REG1A: variants seen among roughly 807,000 people sequenced by gnomAD.
REG1A encodes the protein regenerating family member 1 alpha, also known as lithostathine-1-alpha.
A neutral mutation model predicts 20.7 loss-of-function variants in REG1A; 20 were observed. That is an observed-to-expected ratio of 0.97 (90% confidence interval 0.68 to 1.41). REG1A has a LOEUF of 1.41. Among genes scored for constraint, REG1A ranks in the 40% most tolerant of loss-of-function variants. REG1A has a pLI of 0.00. For synonymous variants in REG1A, 90 were observed against 71.6 expected (o/e 1.26, Z -1.30); for missense variants, 193 against 201.8 (o/e 0.96, Z 0.26).
Position 79,120,907 on chromosome 2 carries a change from T to A in REG1A, c.46T>A (p.Phe16Ile), listed in dbSNP as rs1037020557. ...SYFMLISCLMFLSQSQGQEAQ... is the reference protein window; with the variant it reads ...SYFMLISCLMILSQSQGQEAQ... ...CTTCATGCTGATCTCCTGCCTGATGTTTCTGTCTCAGAGCCAAGGTAAGAT... is the reference window on the plus strand; with the variant it reads ...CTTCATGCTGATCTCCTGCCTGATGATTCTGTCTCAGAGCCAAGGTAAGAT... The change falls in exon 2 of 6, where the codon TTT (phenylalanine) becomes ATT (isoleucine). Residue 16 changes from phenylalanine (F) to isoleucine (I), a missense_variant. By Grantham distance (21) the Phe-to-Ile change is conservative. Coordinates refer to ENST00000233735, the MANE Select transcript of REG1A (RefSeq NM_002909.5). The A allele has an allele frequency of 1.2e-6, 2 of 1,613,590 alleles. No homozygotes were observed. Among genetic ancestry groups the A allele is most frequent in the East Asian group, 2.2e-5 (1 of 44,844 alleles).
Position 79,122,937 on chromosome 2 carries a change from C to T in REG1A, c.418C>T (p.Leu140=). 6.2e-7 allele frequency: 1 copy of T among 1,613,924 alleles called. No individual in the cohort carries two copies. The highest frequency in any genetic ancestry group is 8.5e-7 in the Non-Finnish European group (1 of 1,179,830). ...TGTTAATCCTGGCTACTGTGTGAGC[C>T]TGACCTCAAGCACAGGTGAGAGGCA... ...SSVNPGYCVS[L]TSSTGFQKWK... Residue 140 remains leucine (L), a synonymous_variant, in exon 5 of 6, where the codon CTG becomes TTG. Transcript: ENST00000233735.
At position 79,123,245 on chromosome 2, in the gene REG1A, G is replaced by C; in HGVS notation, c.*30G>C. The C allele has an allele frequency of 7.0e-7, 1 of 1,435,154 alleles. No individual in the cohort carries two copies. The highest frequency in any genetic ancestry group is 9.7e-7 in the Non-Finnish European group (1 of 1,030,372). The allele number at this position is 1,435,154 out of a possible 1,614,324, so 88.9% of individuals were successfully genotyped here. On this transcript the variant is annotated 3_prime_UTR_variant, in exon 6 of 6. Coordinates refer to ENST00000233735, the MANE Select transcript of REG1A (RefSeq NM_002909.5). ...AACTGGAAAATACATGTCTAGAACTGATCCAGCAATTACAACGGAGTCAAA... is the reference window on the plus strand; with the variant it reads ...AACTGGAAAATACATGTCTAGAACTCATCCAGCAATTACAACGGAGTCAAA...
chr2:79,122,515 T>C (rs1522865), intron 4 of REG1A, among the ~76,000 whole-genome samples: 80 of 152,214 alleles, frequency 5.3e-4, no homozygotes, highest in African/African-American at 1.9e-3. Context: ...CTAAATAATA[T>C]AATATATCAA....
chr2:79,123,248 C>T lies in REG1A; in HGVS notation c.*33C>T. The T allele has an allele frequency of 7.1e-7, 1 of 1,399,838 alleles. No homozygotes were observed. 86.7% of individuals were successfully genotyped at this position (1,399,838 alleles called of 1,614,324 possible). ...TGGAAAATACATGTCTAGAACTGAT[C>T]CAGCAATTACAACGGAGTCAAAAAT... On this transcript the variant is annotated 3_prime_UTR_variant, in exon 6 of 6. Coordinates refer to ENST00000233735, the MANE Select transcript of REG1A (RefSeq NM_002909.5).
chr2:79,121,676 C>T lies in REG1A; in HGVS notation c.179C>T (p.Ala60Val). 6.2e-7 allele frequency: 1 copy of T among 1,613,472 alleles called. No homozygotes were observed. Among genetic ancestry groups the T allele is most frequent in the Non-Finnish European group, 8.5e-7 (1 of 1,179,454 alleles). ...FNEDRETWVD[A>V]DLYCQNMNSG... ...GAAGACCGTGAGACCTGGGTTGATGCAGATGTGAGTGAGGAGAGCAGTGTG... is the reference window on the plus strand; with the variant it reads ...GAAGACCGTGAGACCTGGGTTGATGTAGATGTGAGTGAGGAGAGCAGTGTG... Residue 60 changes from alanine (A) to valine (V), a missense_variant, in exon 3 of 6, where the codon GCA (alanine) becomes GTA (valine). Ala to Val is a moderately conservative substitution (Grantham distance 64). Transcript: ENST00000233735.
intron 2 of REG1A, among the ~76,000 whole-genome samples, chr2:79,121,316 G>A (rs573847228): frequency 2.6e-5 from 4 of 152,238 alleles, no homozygotes; most frequent in East Asian, 3.9e-4. Context: ...CAAGGTAGAA[G>A]AGCCTGAGCT....
In REG1A at chr2:79,122,861, C is replaced by G; in HGVS notation, c.342C>G (p.Ser114Arg). The G allele has an allele frequency of 1.2e-6, 2 of 1,613,392 alleles. No homozygotes were observed. Among genetic ancestry groups the G allele is most frequent in the Non-Finnish European group, 1.7e-6 (2 of 1,179,934 alleles). ...TCTAGAACCGCCGCTGGCACTGGAG[C>G]AGTGGGTCCCTGGTCTCCTACAAGT... ...DPKKNRRWHWSSGSLVSYKSW... is the reference protein window; with the variant it reads ...DPKKNRRWHWRSGSLVSYKSW... The change falls in exon 5 of 6, where the codon AGC (serine) becomes AGG (arginine). Residue 114 changes from serine to arginine, a missense_variant. Transcript: ENST00000233735.
chr2:79,120,834 T>C lies in REG1A; in HGVS notation c.-28T>C. The C allele has an allele frequency of 6.3e-7, 1 of 1,585,082 alleles. No homozygotes were observed. Among genetic ancestry groups the C allele is most frequent in the Non-Finnish European group, 8.6e-7 (1 of 1,159,790 alleles). ...CCTATAGAGATTGTTGATTTGCCTC[T>C]TAAGCAAGAGATTCATTGCAGCTCA... is the stretch of plus-strand genomic sequence containing the variant. On this transcript the variant is annotated 5_prime_UTR_variant, in exon 2 of 6. Coordinates refer to ENST00000233735, the MANE Select transcript of REG1A (RefSeq NM_002909.5).
At chr2:79,120,622 A>G (rs1672869099) in intron 1 of REG1A, 108 bp downstream of exon 1, 3 of 390,770 alleles carry the variant, frequency 7.7e-6, no homozygotes, top group Admixed American at 8.8e-5. Context: ...GCTGTAATGA[A>G]GCCTCAGTGG....
chr2:79,120,964 T>C, intron 2 of REG1A, 39 bp downstream of exon 2: 1 of 1,542,542 alleles, frequency 6.5e-7, no homozygotes, highest in East Asian at 2.3e-5. Flanking sequence ...TTTCTAGCCC[T>C]GAAGACTTCA....
chr2:79,120,540 C>T (rs78602489), intron 1 of REG1A, 26 bp downstream of exon 1: 6,945 of 254,204 alleles, frequency 0.027, 485 homozygotes, highest in African/African-American at 0.14. Flanking sequence ...AGGAGAAGGG[C>T]GTCTCTAACA....
chr2:79,122,525 A>G (rs1032423873), intron 4 of REG1A, among the ~76,000 whole-genome samples: 2 of 152,156 alleles, frequency 1.3e-5, no homozygotes, highest in Non-Finnish European at 2.9e-5. Context: ...TAATATATCA[A>G]CAACTAATGG....
chr2:79,122,457 G>A (rs996701072), intron 4 of REG1A, among the ~76,000 whole-genome samples: 2 of 152,142 alleles, frequency 1.3e-5, no homozygotes. Flanking sequence ...GAGACTTGTG[G>A]TAAAAATCTG....
rs892721549 is a variant in REG1A, at chr2:79,121,423, T to G, written c.65-139T>G. On this transcript the variant is annotated intron_variant, in intron 2 of 5. Transcript: ENST00000233735. ...GAAACCAAAGACAGAAGATGTAGGATGCAGGAGCAATAGTGAGCAGTCATC... is the reference window on the plus strand; with the variant it reads ...GAAACCAAAGACAGAAGATGTAGGAGGCAGGAGCAATAGTGAGCAGTCATC... 1.3e-5 allele frequency: 9 copies of G among 715,318 alleles called. No individual in the cohort carries two copies. The African/African-American group carries it at 1.4e-4, about 11-fold the overall frequency. 44.3% of individuals were successfully genotyped at this position (715,318 alleles called of 1,614,324 possible). A position where few individuals can be genotyped will look rare whatever the true frequency, so the allele number is the denominator to read the frequency against.
At chr2:79,121,226 C>A (rs1412989568) in intron 2 of REG1A, among the ~76,000 whole-genome samples, 2 of 152,114 alleles carry the variant, frequency 1.3e-5, no homozygotes, top group African/African-American at 2.4e-5. Context: ...TAGACAGTCA[C>A]TAATGGGGTG....
At position 79,122,920 on chromosome 2, in the gene REG1A, C is replaced by G; in HGVS notation, c.401C>G (p.Pro134Arg). The change falls in exon 5 of 6, where the codon CCT becomes CGT. Residue 134 changes from proline to arginine, a missense_variant. Physicochemically the swap from Pro to Arg is moderately radical, Grantham distance 103 (BLOSUM62 -2). Coordinates refer to ENST00000233735, the MANE Select transcript of REG1A (RefSeq NM_002909.5). ...WGIGAPSSVN[P>R]GYCVSLTSST... ...ATTGGAGCCCCAAGCAGTGTTAATC[C>G]TGGCTACTGTGTGAGCCTGACCTCA... The G allele has an allele frequency of 6.2e-7, 1 of 1,614,074 alleles. No homozygotes were observed. The highest frequency in any genetic ancestry group is 8.5e-7 in the Non-Finnish European group (1 of 1,179,992).
In REG1A at chr2:79,121,663, A is replaced by T; in HGVS notation, c.166A>T (p.Thr56Ser). 1 of 1,614,014 alleles carries T rather than the reference A, an allele frequency of 6.2e-7. No homozygotes were observed. The highest frequency in any genetic ancestry group is 8.5e-7 in the Non-Finnish European group (1 of 1,179,956). Residue 56 changes from threonine (T) to serine (S), a missense_variant, in exon 3 of 6, where the codon ACC becomes TCC. Transcript: ENST00000233735. ...CTACTACTTTAATGAAGACCGTGAGACCTGGGTTGATGCAGATGTGAGTGA... is the reference window on the plus strand; with the variant it reads ...CTACTACTTTAATGAAGACCGTGAGTCCTGGGTTGATGCAGATGTGAGTGA... ...YCYYFNEDRE[T>S]WVDADLYCQN...
In REG1A at chr2:79,120,882, C is replaced by A; in HGVS notation, c.21C>A (p.Tyr7Ter). MAQTSS[Y>*]FMLISCLMFL... ...TCAGCATGGCTCAGACCAGCTCATA[C>A]TTCATGCTGATCTCCTGCCTGATGT... The change falls in exon 2 of 6, where the codon TAC (tyrosine) becomes TAA (stop). Residue 7 changes from tyrosine to a stop codon, truncating the protein, a stop_gained. Coordinates refer to ENST00000233735, the MANE Select transcript of REG1A (RefSeq NM_002909.5). LOFTEE classifies it high-confidence loss of function. The A allele has an allele frequency of 6.2e-7, 1 of 1,613,364 alleles. No individual in the cohort carries two copies. The highest frequency in any genetic ancestry group is 8.5e-7 in the Non-Finnish European group (1 of 1,179,576).
chr2:79,123,093 G>T, intron 5 of REG1A, 55 bp from the exon 6 acceptor site: 5 of 1,505,230 alleles, frequency 3.3e-6, no homozygotes, highest in South Asian at 1.1e-5. Context: ...CCTAAAGCCA[G>T]GAGGGTCATA....
Sources: allele counts gnomAD v4.1 joint callset (sites outside exome capture counted in the v4.1 genomes callset), GRCh38; gene constraint gnomAD v4.1.1; transcripts MANE v1.5; gene names NCBI Gene and HGNC (gene_info 2026-07-23, HGNC 2026-07-21).